ASCC3: variants seen among roughly 807,000 people sequenced by gnomAD.
ASCC3 encodes activating signal cointegrator 1 complex subunit 3.
Under a neutral mutation model 256.3 loss-of-function variants are expected in ASCC3, and 158 were observed. The ratio of observed to expected loss-of-function variants is 0.62; its 90% CI spans 0.54 to 0.70. ASCC3 has a LOEUF of 0.70. Ranked by LOEUF, ASCC3 falls within the 30% of genes least tolerant of loss-of-function variation. The pLI, the probability that ASCC3 is intolerant of heterozygous loss-of-function variation, is 0.00. For synonymous variants in ASCC3, 948 were observed against 883.4 expected (o/e 1.07, Z -1.30); for missense variants, 2,259 against 2,626.0 (o/e 0.86, Z 3.05).
At chr6:100,857,611 C>G (rs187425372) in intron 3 of ASCC3, 2 of 151,938 alleles carry the variant, frequency 1.3e-5, no homozygotes, top group African/African-American at 4.8e-5. Flanking sequence ...AAAAAATAGC[C>G]TTGTCTCACT....
intron 12 of ASCC3, 136 bp from the exon 13 acceptor site, chr6:100,715,669 T>A: frequency 1.5e-6 from 1 of 656,570 alleles, no homozygotes; most frequent in South Asian, 1.7e-5. Flanking sequence ...AAATACCTCA[T>A]AAACATATAA....
At chr6:100,748,707 T>C in intron 10 of ASCC3, among the ~76,000 whole-genome samples, 1 of 152,158 alleles carries the variant, frequency 6.6e-6, no homozygotes, top group East Asian at 1.9e-4. Flanking sequence ...TAAATAATAA[T>C]GAGAACTGAA....
chr6:100,803,203 A>T (rs1337649494), intron 5 of ASCC3, among the ~76,000 whole-genome samples: 2 of 152,084 alleles, frequency 1.3e-5, no homozygotes, highest in African/African-American at 4.8e-5. Flanking sequence ...ATACTATTCA[A>T]CAGGTGTAAT....
intron 4 of ASCC3, among the ~76,000 whole-genome samples, chr6:100,809,946 T>C (rs1232315153): frequency 2.6e-5 from 4 of 152,142 alleles, no homozygotes; most frequent in East Asian, 1.9e-4. Context: ...TTATGTCATA[T>C]GCCCTGGTAC....
In ASCC3 at chr6:100,509,325, C is replaced by G; in HGVS notation, c.*61G>C. Reference sequence around the variant, plus strand: ...GCAAACATCAAGTAATTCGATTTGTCTAGATGACTGAACAGAGAGAATTCT... The same window carrying G: ...GCAAACATCAAGTAATTCGATTTGTGTAGATGACTGAACAGAGAGAATTCT... On this transcript the variant is annotated 3_prime_UTR_variant, in exon 42 of 42. Transcript: ENST00000369162. 1 of 1,600,234 alleles carries G rather than the reference C, an allele frequency of 6.2e-7. No individual in the cohort carries two copies. The highest frequency in any genetic ancestry group is 8.6e-7 in the Non-Finnish European group (1 of 1,168,042).
Position 100,702,935 on chromosome 6 carries a change from AG to A in ASCC3, c.2151+12526del, listed in dbSNP as rs1475178408. Among the ~76,000 whole-genome samples, 3 of 152,296 alleles carry A rather than the reference AG, an allele frequency of 2.0e-5. No homozygotes were observed. In the East Asian group the frequency reaches 5.8e-4, roughly 29 times the overall value. ...TGGCTTTGGTTTTGGAAGTGTGAAC[AG>A]CAGAATGCCTAGGTCAACATGATTT... On this transcript the variant is annotated intron_variant, in intron 13 of 41. Coordinates refer to ENST00000369162, the MANE Select transcript of ASCC3 (RefSeq NM_006828.4).
chr6:100,650,673 G>A lies in ASCC3; in HGVS notation c.3117C>T (p.Ser1039=), dbSNP rs146257139. ...CAGGAGTGGAGAGTTCACAAAAATT[G>A]CTTAATAAGGTATCTAACTCCTCTA... ...EEIEELDTLL[S]NFCELSTPGG... The change falls in exon 20 of 42, where the codon AGC becomes AGT. Residue 1039 remains serine (S), a synonymous_variant. Transcript: ENST00000369162. 3.1e-6 allele frequency: 5 copies of A among 1,611,986 alleles called. No individual in the cohort carries two copies. In the African/African-American group the frequency reaches 4.0e-5, roughly 13 times the overall value.
intron 4 of ASCC3, among the ~76,000 whole-genome samples, chr6:100,810,269 A>C (rs567220771): frequency 6.6e-6 from 1 of 152,252 alleles, no homozygotes; most frequent in South Asian, 2.1e-4. Flanking sequence ...TCTCCTCAGC[A>C]CAGTAACCTC....
At chr6:100,687,852 C>G (rs181938711) in intron 13 of ASCC3, among the ~76,000 whole-genome samples, 224 of 152,036 alleles carry the variant, frequency 1.5e-3, no homozygotes, top group African/African-American at 5.3e-3. Flanking sequence ...TATGTTCAAA[C>G]AGAGAAGAGA....
chr6:100,638,877 A>T, intron 24 of ASCC3, 56 bp from the exon 25 acceptor site: 5 of 1,294,270 alleles, frequency 3.9e-6, no homozygotes, highest in Non-Finnish European at 4.5e-6. Context: ...CATAATACTG[A>T]ATACTGTATT....
At position 100,705,187 on chromosome 6, in the gene ASCC3, A is replaced by G. The variant is rs118059931; in HGVS notation, c.2151+10275T>C. On this transcript the variant is annotated intron_variant, in intron 13 of 41. Coordinates refer to ENST00000369162, the MANE Select transcript of ASCC3 (RefSeq NM_006828.4). The stretch of plus-strand genomic sequence containing the variant: ...AGGACTGTTGAAAAGTCAACATGAA[A>G]AGATTTTCTCCATCTGTCATCACAC... Among the ~76,000 whole-genome samples, 1,375 of 152,140 alleles carry G rather than the reference A, an allele frequency of 9.0e-3. 12 individuals are homozygous for G. The highest frequency in any genetic ancestry group is 0.025 in the Admixed American group (387 of 15,256).
At chr6:100,878,619 G>C (rs1483120728) in intron 1 of ASCC3, among the ~76,000 whole-genome samples, 2 of 152,094 alleles carry the variant, frequency 1.3e-5, no homozygotes, top group Non-Finnish European at 2.9e-5. Context: ...CTCTTCCCAC[G>C]AAAGTCCAGT....
intron 1 of ASCC3, among the ~76,000 whole-genome samples, chr6:100,875,750 G>C (rs201576799): frequency 6.6e-6 from 1 of 152,234 alleles, no homozygotes; most frequent in South Asian, 2.1e-4. Context: ...ACAGTCCACT[G>C]TACTCAGCCA....
chr6:100,572,784 CT>C (rs945531227), intron 36 of ASCC3, among the ~76,000 whole-genome samples: 31 of 152,096 alleles, frequency 2.0e-4, no homozygotes, highest in African/African-American at 7.2e-4. Context: ...CAAAAAAATG[CT>C]GAAATAATTA....
intron 14 of ASCC3, among the ~76,000 whole-genome samples, chr6:100,666,349 A>C (rs1330987670): frequency 6.6e-6 from 1 of 152,152 alleles, no homozygotes; most frequent in Non-Finnish European, 1.5e-5. Flanking sequence ...CCAGGCATGA[A>C]TCTTACGGGT....
intron 26 of ASCC3, among the ~76,000 whole-genome samples, chr6:100,630,480 T>C (rs1351886545): frequency 1.3e-5 from 2 of 151,486 alleles, no homozygotes; most frequent in Admixed American, 1.3e-4. Flanking sequence ...TATTTTTTTT[T>C]TGTTTTTTTT....
chr6:100,829,077 T>C (rs752245009), intron 4 of ASCC3, among the ~76,000 whole-genome samples: 2 of 152,090 alleles, frequency 1.3e-5, no homozygotes, highest in Admixed American at 6.6e-5. Flanking sequence ...AGTAGCTAGA[T>C]ACAGAGTGTC....
intron 13 of ASCC3, among the ~76,000 whole-genome samples, chr6:100,700,295 C>T (rs1778293269): frequency 1.3e-5 from 2 of 152,136 alleles, no homozygotes; most frequent in Non-Finnish European, 1.5e-5. Context: ...CCTGTGAGTG[C>T]ACAGAAGTCA....
intron 39 of ASCC3, among the ~76,000 whole-genome samples, chr6:100,513,994 T>C (rs1409444468): frequency 1.3e-5 from 2 of 152,074 alleles, no homozygotes; most frequent in African/African-American, 4.8e-5. Context: ...CTTTTATTCC[T>C]TTAATATATA....
Sources: allele counts gnomAD v4.1 joint callset (sites outside exome capture counted in the v4.1 genomes callset), GRCh38; gene constraint gnomAD v4.1.1; transcripts MANE v1.5; gene names NCBI Gene and HGNC (gene_info 2026-07-23, HGNC 2026-07-21).